The following RGS6 variants were observed in gnomAD, a reference collection of about 807,000 sequenced individuals.
RGS6 encodes the protein regulator of G protein signaling 6, also known as regulator of G-protein signaling 6.
Under a neutral mutation model 78.5 loss-of-function variants are expected in RGS6, and 30 were observed. The ratio of observed to expected loss-of-function variants is 0.38; its 90% CI spans 0.29 to 0.52. The LOEUF (loss-of-function observed/expected upper bound fraction) is 0.52. Ranked by LOEUF, RGS6 falls within the 20% of genes least tolerant of loss-of-function variation. RGS6 has a pLI of 0.85. For synonymous variants in RGS6, 206 were observed against 206.0 expected, an observed-to-expected ratio of 1.00 and a Z score of 0.00; for missense variants, 495 against 609.7, an observed-to-expected ratio of 0.81 and a Z score of 1.98.
chr14:72,550,663 G>C, intron 17 of RGS6: 1 of 1,483,368 alleles, frequency 6.7e-7, no homozygotes, highest in South Asian at 1.3e-5. Context: ...ATAATTAAAG[G>C]AGTCAATCAA....
At chr14:71,878,712 C>T in the RGS6 span, among the ~76,000 whole-genome samples, 1 of 152,184 alleles carries the variant, frequency 6.6e-6, no homozygotes, top group Non-Finnish European at 1.5e-5. Flanking sequence ...GTCCAACAAG[C>T]CCCAGTGAGA....
intron 5 of RGS6, among the ~76,000 whole-genome samples, chr14:72,458,619 A>C (rs1338832220): frequency 6.6e-6 from 1 of 152,162 alleles, no homozygotes; most frequent in Non-Finnish European, 1.5e-5. Context: ...GGGCTGCTAC[A>C]ACAAAATACC....
intron 3 of RGS6, among the ~76,000 whole-genome samples, chr14:72,408,822 A>G (rs945140471): frequency 1.3e-5 from 2 of 152,328 alleles, no homozygotes; most frequent in Non-Finnish European, 2.9e-5. Context: ...GCAATTTGGC[A>G]GGATAAAAAT....
At chr14:72,228,385 AAT>A (rs200113747) in intron 2 of RGS6, among the ~76,000 whole-genome samples, 17,440 of 152,032 alleles carry the variant, frequency 0.11, 1,245 homozygotes, top group East Asian at 0.33. Flanking sequence ...TGTCTCAAAA[AAT>A]AATAATAATA....
intron 8 of RGS6, among the ~76,000 whole-genome samples, chr14:72,470,644 G>A (rs1343125263): frequency 7.1e-6 from 1 of 141,208 alleles, no homozygotes; most frequent in Non-Finnish European, 1.6e-5. Flanking sequence ...TTGTGAGACC[G>A]AGGTGGGGGT....
rs142359615 is a variant in RGS6, at chr14:72,305,924, G to A, written c.85-46171G>A. On this transcript the variant is annotated intron_variant, in intron 2 of 17. Transcript: ENST00000553525. ...GCCAAGTTGTGAATGCAAAGGAAAAGTTATTGAAGAAAATTGAAAGTGCTA... is the reference window on the plus strand; with the variant it reads ...GCCAAGTTGTGAATGCAAAGGAAAAATTATTGAAGAAAATTGAAAGTGCTA... 3.6e-3 allele frequency among the ~76,000 whole-genome samples: 541 copies of A among 152,302 alleles called. 2 individuals carry two copies. Among genetic ancestry groups the A allele is most frequent in the African/African-American group, 0.012 (504 of 41,566 alleles).
intron 7 of RGS6, chr14:72,469,718 C>T: frequency 3.8e-6 from 1 of 265,384 alleles, no homozygotes; most frequent in Non-Finnish European, 7.1e-6. Flanking sequence ...ACCTTTGAAA[C>T]AAGTGCTGTG....
At chr14:71,959,694 G>T (rs975525671) in intron 1 of RGS6, among the ~76,000 whole-genome samples, 2 of 152,052 alleles carry the variant, frequency 1.3e-5, no homozygotes, top group African/African-American at 2.4e-5. Flanking sequence ...ACATCTGAGG[G>T]TGGGGGTTGG....
At chr14:72,135,473 G>A (rs1355712231) in intron 2 of RGS6, among the ~76,000 whole-genome samples, 1 of 152,026 alleles carries the variant, frequency 6.6e-6, no homozygotes, top group Non-Finnish European at 1.5e-5. Context: ...TCTGAGTCTT[G>A]TTTTTCCCTG....
At chr14:72,039,870 A>G (rs1201906341) in intron 2 of RGS6, among the ~76,000 whole-genome samples, 1 of 18,390 alleles carries the variant, frequency 5.4e-5, no homozygotes, top group Non-Finnish European at 1.2e-4. Flanking sequence ...TTTCTTTTGT[A>G]TGTCTTCTAT....
chr14:72,250,295 C>T (rs896083506), intron 2 of RGS6, among the ~76,000 whole-genome samples: 1 of 149,454 alleles, frequency 6.7e-6, no homozygotes, highest in African/African-American at 2.5e-5. Context: ...CACTCTCCTA[C>T]AAATTCTCTT....
intron 2 of RGS6, among the ~76,000 whole-genome samples, chr14:72,047,466 CT>C (rs1213000456): frequency 2.6e-5 from 4 of 152,174 alleles, no homozygotes; most frequent in African/African-American, 9.7e-5. Context: ...CCTGTTTTAG[CT>C]ACTAACATTT....
At chr14:72,090,069 T>A (rs1044300757) in intron 2 of RGS6, among the ~76,000 whole-genome samples, 1 of 141,326 alleles carries the variant, frequency 7.1e-6, no homozygotes, top group Non-Finnish European at 1.5e-5. Context: ...GCCGAGATCA[T>A]GCCACTGCAC....
At position 72,518,339 on chromosome 14, in the gene RGS6, C is replaced by T. The variant is rs775670765; in HGVS notation, c.1092-12C>T. On this transcript the variant is annotated splice_polypyrimidine_tract_variant and intron_variant, in intron 14 of 17. Coordinates refer to ENST00000553525, the MANE Select transcript of RGS6 (RefSeq NM_001204424.2). ...CCCCCTGGAACTGACTGTGTTTCTGCTCCCACTTCAGGTTCTGGCTGGCTG... is the reference window on the plus strand; with the variant it reads ...CCCCCTGGAACTGACTGTGTTTCTGTTCCCACTTCAGGTTCTGGCTGGCTG... The T allele has an allele frequency of 6.2e-7, 1 of 1,610,624 alleles. No homozygotes were observed. The highest frequency in any genetic ancestry group is 2.2e-5 in the East Asian group (1 of 44,780).
At chr14:72,071,845 G>C (rs933687339) in intron 2 of RGS6, among the ~76,000 whole-genome samples, 1 of 152,070 alleles carries the variant, frequency 6.6e-6, no homozygotes, top group African/African-American at 2.4e-5. Context: ...ATGTTTTCAC[G>C]ATGTCTTGTA....
the RGS6 span, among the ~76,000 whole-genome samples, chr14:71,902,384 A>G: frequency 6.6e-6 from 1 of 152,182 alleles, no homozygotes; most frequent in African/African-American, 2.4e-5. Flanking sequence ...AGAAAAAGCA[A>G]AACCTTTTTT....
At chr14:72,177,327 T>C (rs1172416705) in intron 2 of RGS6, among the ~76,000 whole-genome samples, 2 of 152,168 alleles carry the variant, frequency 1.3e-5, no homozygotes, top group Non-Finnish European at 2.9e-5. Flanking sequence ...CTTCTGCCCA[T>C]GACAAAGGTA....
At chr14:72,050,732 C>T (rs1432555147) in intron 2 of RGS6, among the ~76,000 whole-genome samples, 2 of 152,192 alleles carry the variant, frequency 1.3e-5, no homozygotes, top group Non-Finnish European at 2.9e-5. Flanking sequence ...CCTCTTATAT[C>T]CCAGTCTTTT....
At chr14:71,917,147 C>T in the RGS6 span, among the ~76,000 whole-genome samples, 137 of 152,312 alleles carry the variant, frequency 9.0e-4, 1 homozygote, top group African/African-American at 3.2e-3. Flanking sequence ...TTAATTACCA[C>T]ATGCTTCTGG....
Sources: gnomAD v4.1 joint callset for allele counts (sites outside exome capture counted in the v4.1 genomes callset) on GRCh38, gnomAD v4.1.1 for gene constraint, MANE v1.5 for transcripts, NCBI Gene and HGNC (gene_info 2026-07-23, HGNC 2026-07-21) for gene names.